The following TRIM3 variants were observed in gnomAD, a reference collection of about 807,000 sequenced individuals.
TRIM3 encodes the protein tripartite motif containing 3, also known as tripartite motif-containing protein 3.
Under a neutral mutation model 66.6 loss-of-function variants are expected in TRIM3, and 13 were observed. That is an observed-to-expected ratio of 0.20 (90% CI 0.13 to 0.31). The LOEUF is 0.31. Among genes scored for constraint, TRIM3 ranks in the 10% least tolerant of loss-of-function variants. The pLI is 1.00. For synonymous variants in TRIM3, 406 were observed against 411.7 expected, an observed-to-expected ratio of 0.99 and a Z score of 0.17; for missense variants, 711 against 1,020.4, an observed-to-expected ratio of 0.70 and a Z score of 4.13.
At chr11:6,472,292 C>T (rs1201981957) in intron 1 of TRIM3, among the ~76,000 whole-genome samples, 3 of 152,194 alleles carry the variant, frequency 2.0e-5, no homozygotes, top group African/African-American at 7.2e-5. Context: ...CCTCTCAAGC[C>T]AAGGGCTTCC....
At chr11:6,451,164 T>C (rs1047607075) in intron 8 of TRIM3, 104 bp from the exon 9 acceptor site, 13 of 1,573,388 alleles carry the variant, frequency 8.3e-6, no homozygotes, top group African/African-American at 1.4e-5. Flanking sequence ...GAACAGGGAG[T>C]AGGAGGAGGT....
intron 7 of TRIM3, 23 bp from the exon 8 acceptor site, chr11:6,451,461 G>A (rs759539419): frequency 1.4e-5 from 23 of 1,612,970 alleles, no homozygotes; most frequent in East Asian, 6.7e-5. Context: ...AGCAAGGGGA[G>A]GGAGCAGGTA....
Position 6,449,658 on chromosome 11 carries a change from C to G in TRIM3, c.1942-212G>C. 1 of 466,842 alleles carries G rather than the reference C, an allele frequency of 2.1e-6. No homozygotes were observed. The highest frequency in any genetic ancestry group is 3.8e-6 in the Non-Finnish European group (1 of 265,050). The allele number at this position is 466,842 out of a possible 1,614,324, so 28.9% of individuals were successfully genotyped here. A position where few individuals can be genotyped will look rare whatever the true frequency, so the allele number is the denominator to read the frequency against. ...ATTGGGAATATCAAATCTAACAGCT[C>G]ATTTTCTTTGGGAAATCAGTTCTCT... On this transcript the variant is annotated intron_variant, in intron 10 of 11. Coordinates refer to ENST00000345851, the MANE Select transcript of TRIM3 (RefSeq NM_033278.4). This position sits in a 1 kb window ranked among gnomAD's most constrained non-coding sequence, Gnocchi z 5.3.
intron 7 of TRIM3, among the ~76,000 whole-genome samples, chr11:6,455,321 C>T (rs574427524): frequency 1.4e-4 from 21 of 152,212 alleles, no homozygotes; most frequent in African/African-American, 5.1e-4. Flanking sequence ...TGTGACAGAG[C>T]TAGGATTCAA....
chr11:6,453,862 G>GGA (rs1185250819), intron 7 of TRIM3, among the ~76,000 whole-genome samples: 2 of 152,240 alleles, frequency 1.3e-5, no homozygotes, highest in Non-Finnish European at 2.9e-5. Flanking sequence ...ACTGAGAGGA[G>GGA]GAGGGGGATC....
intron 2 of TRIM3, among the ~76,000 whole-genome samples, chr11:6,460,885 GT>G (rs930175449): frequency 9.2e-6 from 1 of 109,016 alleles, no homozygotes; most frequent in Non-Finnish European, 2.0e-5. Context: ...CTTTGTTTTT[GT>G]TTTTTTGGTG....
chr11:6,453,116 T>C (rs549133149), intron 7 of TRIM3: 1 of 152,356 alleles, frequency 6.6e-6, no homozygotes, highest in Non-Finnish European at 1.5e-5. Flanking sequence ...ATCTGTTTTG[T>C]TTGCTGCTGC....
At position 6,449,139 on chromosome 11, in the gene TRIM3, T is replaced by C. The variant is rs1309707320; in HGVS notation, c.2124A>G (p.Thr708=). 2.5e-6 allele frequency: 4 copies of C among 1,614,086 alleles called. No individual in the cohort carries two copies. The highest frequency in any genetic ancestry group is 3.4e-6 in the Non-Finnish European group (4 of 1,179,990). The part of the protein sequence containing the change: ...SSGSFLSYIN[T]SAEPLYGPQG... ...GTGGACCATACAGTGGTTCTGCAGA[T>C]GTGTTGATATAGGACAGGAAGGAGC... The change falls in exon 12 of 12, where the codon ACA becomes ACG. Residue 708 remains threonine, a synonymous_variant. Coordinates refer to ENST00000345851, the MANE Select transcript of TRIM3 (RefSeq NM_033278.4). The surrounding 1 kb of genome is among the most constrained non-coding windows in gnomAD (Gnocchi z 5.3).
At chr11:6,454,263 C>A (rs879936885) in intron 7 of TRIM3, among the ~76,000 whole-genome samples, 1 of 151,902 alleles carries the variant, frequency 6.6e-6, no homozygotes, top group African/African-American at 2.4e-5. Context: ...TAGTGGCATG[C>A]GCCTGTAGTC....
rs1363549421 is a variant in TRIM3 at position 6,458,390 on chromosome 11, C to T, written c.132-94G>A. The T allele has an allele frequency of 1.6e-5, 16 of 991,066 alleles. No individual in the cohort carries two copies. Among genetic ancestry groups the T allele is most frequent in the Non-Finnish European group, 2.4e-5 (16 of 658,776 alleles). The allele number at this position is 991,066 out of a possible 1,614,324, so 61.4% of individuals were successfully genotyped here. ...CCATGGGTGCCAACCCCTTCCCTCACAGGTGTGCCATTACACTTCATTTTA... is the reference window on the plus strand; with the variant it reads ...CCATGGGTGCCAACCCCTTCCCTCATAGGTGTGCCATTACACTTCATTTTA... On this transcript the variant is annotated intron_variant, in intron 2 of 11. Transcript: ENST00000345851. The surrounding 1 kb of genome is among the most constrained non-coding windows in gnomAD (Gnocchi z 6.2).
Position 6,463,494 on chromosome 11 carries a change from G to A in TRIM3, c.131+2071C>T, listed in dbSNP as rs1394018520. Among the ~76,000 whole-genome samples the A allele has an allele frequency of 2.0e-5, 3 of 152,166 alleles. No individual in the cohort carries two copies. In the East Asian group the frequency reaches 5.8e-4, roughly 29 times the overall value. On this transcript the variant is annotated intron_variant, in intron 2 of 11. Transcript: ENST00000345851. The stretch of plus-strand genomic sequence containing the variant: ...CCAATTTCAGCTCTGATCCAACATT[G>A]AGCTTCTATTGCATGGGTTTTGCAA...
In TRIM3 at chr11:6,457,655, C is replaced by T. The variant is rs1260712024; in HGVS notation, c.515+41G>A. 20 of 1,592,756 alleles carry T rather than the reference C, an allele frequency of 1.3e-5. No individual in the cohort carries two copies. Among genetic ancestry groups the T allele is most frequent in the Non-Finnish European group, 1.5e-5 (17 of 1,166,054 alleles). On this transcript the variant is annotated intron_variant, in intron 4 of 11. Coordinates refer to ENST00000345851, the MANE Select transcript of TRIM3 (RefSeq NM_033278.4). The surrounding 1 kb of genome is among the most constrained non-coding windows in gnomAD (Gnocchi z 4.5). ...CTCCCCGCCCGAGCTAAGACACCAT[C>T]CCTGTGGCCCCACCAGCCCAGGACC...
chr11:6,455,398 A>G (rs1390343095), intron 7 of TRIM3, among the ~76,000 whole-genome samples: 1 of 152,104 alleles, frequency 6.6e-6, no homozygotes, highest in East Asian at 1.9e-4. Flanking sequence ...CCTGGTGCCC[A>G]CTGTACTAGG....
chr11:6,456,881 G>T lies in TRIM3; in HGVS notation c.845C>A (p.Ala282Glu). Reference sequence around the variant, plus strand: ...TGGCCGCTCCGGGAAGGCCTGTGCCGCCAATGCAGCCAGCCGCTCTCGCAT... The same window carrying T: ...TGGCCGCTCCGGGAAGGCCTGTGCCTCCAATGCAGCCAGCCGCTCTCGCAT... Reference protein sequence around the residue: ...KHMRERLAALAAQAFPERPHE... With the variant: ...KHMRERLAALEAQAFPERPHE... The change falls in exon 6 of 12, where the codon GCG (alanine) becomes GAG (glutamate). Residue 282 changes from alanine to glutamate, a missense_variant. This residue lies in a region of TRIM3 where 399 missense variants were observed against 458.1 expected (regional missense o/e 0.87). Transcript: ENST00000345851. This position sits in a 1 kb window ranked among gnomAD's most constrained non-coding sequence, Gnocchi z 6.4. The T allele has an allele frequency of 6.2e-7, 1 of 1,612,412 alleles. No individual in the cohort carries two copies.
At position 6,450,432 on chromosome 11, in the gene TRIM3, T is replaced by C; in HGVS notation, c.1941+119A>G. 4 of 877,126 alleles carry C rather than the reference T, an allele frequency of 4.6e-6. No individual in the cohort carries two copies. The highest frequency in any genetic ancestry group is 7.5e-6 in the Non-Finnish European group (4 of 532,994). The allele number at this position is 877,126 out of a possible 1,614,324, so 54.3% of individuals were successfully genotyped here. On this transcript the variant is annotated intron_variant, in intron 10 of 11. Transcript: ENST00000345851. The surrounding 1 kb of genome is among the most constrained non-coding windows in gnomAD (Gnocchi z 4.8). The stretch of plus-strand genomic sequence containing the variant: ...AAGCAGCCATGCATAAATGTGTAAA[T>C]GTGTATTGTTTGAGTGAATGATCTC...
intron 7 of TRIM3, among the ~76,000 whole-genome samples, chr11:6,454,896 T>C (rs1434402827): frequency 2.0e-5 from 3 of 152,148 alleles, no homozygotes; most frequent in South Asian, 2.1e-4. Flanking sequence ...TGTTTAGAAG[T>C]AAGGATCTTC....
In TRIM3 at chr11:6,456,672, C is replaced by T. The variant is rs1850003215; in HGVS notation, c.1054G>A (p.Gly352Arg). The part of the protein sequence containing the change: ...SLTVTTKDKD[G>R]RLVRTGSAEL... ...GCGCTGCCTGTGCGCACCAACCGCC[C>T]GTCCTTGTCTTTGGTAGTGACAGTG... The change falls in exon 6 of 12, where the codon GGG becomes AGG. Residue 352 changes from glycine to arginine, a missense_variant. Transcript: ENST00000345851. This position sits in a 1 kb window ranked among gnomAD's most constrained non-coding sequence, Gnocchi z 6.4. 3 of 1,606,102 alleles carry T rather than the reference C, an allele frequency of 1.9e-6. No homozygotes were observed. Among genetic ancestry groups the T allele is most frequent in the South Asian group, 1.1e-5 (1 of 90,926 alleles).
chr11:6,449,379 T>C lies in TRIM3; in HGVS notation c.2009A>G (p.Asn670Ser), dbSNP rs749691043. The part of the protein sequence containing the change: ...GSHGEGNGQF[N>S]APTGVAVDSN... Reference sequence around the variant, plus strand: ...GTCCACAGCTACTCCTGTGGGGGCATTGAACTGCCCATTGCCCTCGCCATG... The same window carrying C: ...GTCCACAGCTACTCCTGTGGGGGCACTGAACTGCCCATTGCCCTCGCCATG... The change falls in exon 11 of 12, where the codon AAT (asparagine) becomes AGT (serine). Residue 670 changes from asparagine to serine, a missense_variant. Physicochemically the swap from Asn to Ser is conservative, Grantham distance 46. Around this residue, in one of 3 missense-constraint regions of TRIM3, gnomAD observed 163 missense variants for 321.9 expected, o/e 0.51. Coordinates refer to ENST00000345851, the MANE Select transcript of TRIM3 (RefSeq NM_033278.4). This position sits in a 1 kb window ranked among gnomAD's most constrained non-coding sequence, Gnocchi z 5.3. 1.5e-5 allele frequency: 24 copies of C among 1,613,958 alleles called. No homozygotes were observed. The highest frequency in any genetic ancestry group is 2.7e-5 in the African/African-American group (2 of 74,904).
rs149673466 is a variant in TRIM3, at chr11:6,470,323, A to C, written c.-38+3468T>G. 5.8e-4 allele frequency among the ~76,000 whole-genome samples: 88 copies of C among 152,340 alleles called. No individual in the cohort carries two copies. In the East Asian group the frequency reaches 0.012, roughly 20 times the overall value. On this transcript the variant is annotated intron_variant, in intron 1 of 11. Transcript: ENST00000345851. The stretch of plus-strand genomic sequence containing the variant: ...GGGGAGAAGAAGGAATTAACAGATG[A>C]TTCTTTGGAAACTCTCAAAGAAGAG...
Sources: gnomAD v4.1 joint callset for allele counts (sites outside exome capture counted in the v4.1 genomes callset) on GRCh38, gnomAD v4.1.1 for gene constraint, gnomAD v4.1.1 regional missense constraint, Gnocchi (gnomAD v3.1) non-coding constraint, MANE v1.5 for transcripts, NCBI Gene and HGNC (gene_info 2026-07-23, HGNC 2026-07-21) for gene names.